The following FGD5 variants were observed in gnomAD, a reference collection of about 807,000 sequenced individuals.
FGD5 encodes FYVE, RhoGEF and PH domain-containing protein 5.
A neutral mutation model predicts 133.4 loss-of-function variants in FGD5; 28 were observed. That is an observed-to-expected ratio of 0.21 (90% CI 0.16 to 0.29). The LOEUF (loss-of-function observed/expected upper bound fraction) is 0.29, where lower values mean the gene tolerates loss of function less well. FGD5 is among the 10% of genes least tolerant of loss of function. The probability of loss-of-function intolerance (pLI) is 1.00; values close to 1 mark genes in which losing one functional copy is unlikely to be tolerated. For synonymous variants in FGD5, 810 were observed against 776.5 expected (o/e 1.04, Z -0.72); for missense variants, 1,858 against 1,895.2 (o/e 0.98, Z 0.36).
intron 1 of FGD5, 142 bp from the exon 2 acceptor site, chr3:14,863,986 T>G: frequency 8.3e-7 from 1 of 1,200,358 alleles, no homozygotes; most frequent in Non-Finnish European, 1.2e-6. Flanking sequence ...CCAGTGTGGC[T>G]GGGGGTGGGG....
intron 4 of FGD5, among the ~76,000 whole-genome samples, chr3:14,892,846 A>G (rs1364491517): frequency 1.3e-5 from 2 of 152,252 alleles, no homozygotes; most frequent in African/African-American, 4.8e-5. Flanking sequence ...GAAAGAAAGA[A>G]AGAAAACTGT....
intron 5 of FGD5, 47 bp downstream of exon 5, chr3:14,897,716 G>T (rs746484154): frequency 6.5e-7 from 1 of 1,540,336 alleles, no homozygotes; most frequent in South Asian, 1.2e-5. Context: ...TGCACTGGGG[G>T]AATGGAGACG....
At chr3:14,842,102 C>T (rs895520335) in intron 1 of FGD5, among the ~76,000 whole-genome samples, 1 of 152,212 alleles carries the variant, frequency 6.6e-6, no homozygotes, top group South Asian at 2.1e-4. Flanking sequence ...CCAAGTTGTC[C>T]TCAAACCAAC....
intron 4 of FGD5, among the ~76,000 whole-genome samples, chr3:14,882,795 G>A (rs985312521): frequency 6.6e-6 from 1 of 152,080 alleles, no homozygotes; most frequent in Non-Finnish European, 1.5e-5. Flanking sequence ...GGATAGAGGG[G>A]GCAGACATCT....
chr3:14,933,053 C>T (rs1366630918), intron 19 of FGD5, 78 bp from the exon 20 acceptor site: 2 of 1,487,238 alleles, frequency 1.3e-6, no homozygotes, highest in Non-Finnish European at 1.9e-6. Flanking sequence ...ATCTACTAGT[C>T]CAGTCTTTTC....
upstream of FGD5, among the ~76,000 whole-genome samples, chr3:14,816,832 G>A (rs1390802741): frequency 6.6e-6 from 1 of 152,186 alleles, no homozygotes; most frequent in East Asian, 1.9e-4. Context: ...GGATGAAATG[G>A]TGTGGATTAG....
intron 13 of FGD5, among the ~76,000 whole-genome samples, chr3:14,919,502 C>G (rs1038677667): frequency 6.6e-6 from 1 of 152,166 alleles, no homozygotes; most frequent in African/African-American, 2.4e-5. Context: ...CCTGTAGTCG[C>G]AGCTACTCGG....
rs56184138 is a variant in FGD5, at chr3:14,819,601, G to A, written c.530G>A (p.Ser177Asn). 6.4e-7 allele frequency: 1 copy of A among 1,551,498 alleles called. No individual in the cohort carries two copies. The highest frequency in any genetic ancestry group is 1.2e-5 in the South Asian group (1 of 84,048). ...EKLVQPHREC[S>N]LEDSGPWAGE... is the part of the protein sequence containing the mutation. Reference sequence around the variant, plus strand: ...CTAGTGCAGCCACACAGGGAGTGCAGCCTGGAGGACAGTGGGCCTTGGGCT... The same window carrying A: ...CTAGTGCAGCCACACAGGGAGTGCAACCTGGAGGACAGTGGGCCTTGGGCT... The change falls in exon 1 of 20, where the codon AGC (serine) becomes AAC (asparagine). Residue 177 changes from serine (S) to asparagine (N), a missense_variant. This residue lies in a region of FGD5 where 1,824 missense variants were observed against 1,848.9 expected (regional missense o/e 0.99). Coordinates refer to ENST00000285046, the MANE Select transcript of FGD5 (RefSeq NM_152536.4). The surrounding 1 kb of genome is among the most constrained non-coding windows in gnomAD (Gnocchi z 4.1).
intron 1 of FGD5, among the ~76,000 whole-genome samples, chr3:14,833,438 A>G (rs183071180): frequency 3.3e-5 from 5 of 152,196 alleles, no homozygotes; most frequent in Admixed American, 6.5e-5. Flanking sequence ...ATCTTACAGA[A>G]TCTGCTCAGG....
chr3:14,910,748 T>A, intron 10 of FGD5, 113 bp from the exon 11 acceptor site: 2 of 902,574 alleles, frequency 2.2e-6, no homozygotes, highest in Non-Finnish European at 3.4e-6. Context: ...GGGCCTCCCC[T>A]GCACCCTTGT....
rs1165152868 is a variant in FGD5, at chr3:14,830,181, C to T, written c.2525+8585C>T. On this transcript the variant is annotated intron_variant, in intron 1 of 19. Coordinates refer to ENST00000285046, the MANE Select transcript of FGD5 (RefSeq NM_152536.4). ...GACAAATGAACTCATGCAGAGCTTT[C>T]ATTAAGTTTCATTGAAAGGACCTAG... Among the ~76,000 whole-genome samples the T allele has an allele frequency of 2.0e-5, 3 of 152,290 alleles. No individual in the cohort carries two copies. In the East Asian group the frequency reaches 5.8e-4, roughly 29 times the overall value.
chr3:14,892,584 G>A (rs1452735655), intron 4 of FGD5, among the ~76,000 whole-genome samples: 1 of 152,124 alleles, frequency 6.6e-6, no homozygotes, highest in African/African-American at 2.4e-5. Flanking sequence ...TTGGGAGGCC[G>A]AGGCGGGCAG....
In FGD5 at chr3:14,832,342, A is replaced by G. The variant is rs542384031; in HGVS notation, c.2525+10746A>G. ...TGTATGTGTTAACTCAATTCATCTGAAAAACCACCCTGAGACATAGATGCT... is the reference window on the plus strand; with the variant it reads ...TGTATGTGTTAACTCAATTCATCTGGAAAACCACCCTGAGACATAGATGCT... On this transcript the variant is annotated intron_variant, in intron 1 of 19. Transcript: ENST00000285046. Among the ~76,000 whole-genome samples, 4 of 152,228 alleles carry G rather than the reference A, an allele frequency of 2.6e-5. No homozygotes were observed. The East Asian group carries it at 7.7e-4, about 29-fold the overall frequency.
chr3:14,931,488 T>G (rs2038898263), intron 18 of FGD5: 1 of 152,188 alleles, frequency 6.6e-6, no homozygotes, highest in Non-Finnish European at 1.5e-5. Flanking sequence ...TGTGCCCAGC[T>G]TGATTCTATT....
At chr3:14,839,426 G>A (rs1055781594) in intron 1 of FGD5, among the ~76,000 whole-genome samples, 3 of 152,114 alleles carry the variant, frequency 2.0e-5, no homozygotes, top group African/African-American at 4.8e-5. Flanking sequence ...TTTGACTGTC[G>A]TCAGACCTTC....
At chr3:14,890,539 C>G (rs889451973) in intron 4 of FGD5, among the ~76,000 whole-genome samples, 1 of 152,170 alleles carries the variant, frequency 6.6e-6, no homozygotes, top group Non-Finnish European at 1.5e-5. Flanking sequence ...ATGATGGGCC[C>G]AAGTTGATGA....
intron 1 of FGD5, among the ~76,000 whole-genome samples, chr3:14,821,987 C>T (rs1034230334): frequency 8.5e-5 from 13 of 152,170 alleles, no homozygotes; most frequent in African/African-American, 3.1e-4. Context: ...GTAATCCCAG[C>T]TGCTCGGGAG....
intron 1 of FGD5, among the ~76,000 whole-genome samples, chr3:14,812,778 TG>T (rs1287143442): frequency 6.6e-6 from 1 of 152,164 alleles, no homozygotes; most frequent in African/African-American, 2.4e-5. Context: ...ATCTGAAAAA[TG>T]GGGTTGGTAA....
chr3:14,867,161 A>G (rs2037511451), intron 2 of FGD5, among the ~76,000 whole-genome samples: 1 of 152,050 alleles, frequency 6.6e-6, no homozygotes, highest in Admixed American at 6.5e-5. Flanking sequence ...GTCCCCTCGA[A>G]CTCTCATTCC....
Sources: allele counts gnomAD v4.1 joint callset (sites outside exome capture counted in the v4.1 genomes callset), GRCh38; gene constraint gnomAD v4.1.1; regional missense constraint gnomAD v4.1.1; non-coding constraint Gnocchi (gnomAD v3.1); transcripts MANE v1.5; gene names NCBI Gene and HGNC (gene_info 2026-07-23, HGNC 2026-07-21).